Variants in TRIM54 observed in about 807,000 individuals in gnomAD.
TRIM54 encodes the protein tripartite motif-containing protein 54.
Under a neutral mutation model 42.0 loss-of-function variants are expected in TRIM54, and 40 were observed. The observed-to-expected ratio is 0.95, with a 90% CI of 0.74 to 1.24. TRIM54 has a LOEUF of 1.24. Among genes scored for constraint, TRIM54 ranks in the 50% most tolerant of loss-of-function variants. The pLI, the probability that TRIM54 is intolerant of heterozygous loss-of-function variation, is 0.00. For synonymous variants in TRIM54, 199 were observed against 194.9 expected (o/e 1.02, Z -0.17); for missense variants, 485 against 480.3 (o/e 1.01, Z -0.09).
intron 1 of TRIM54, among the ~76,000 whole-genome samples, chr2:27,283,678 G>A (rs559266092): frequency 6.6e-6 from 1 of 151,098 alleles, no homozygotes; most frequent in Admixed American, 6.6e-5. Context: ...GATTATAAGT[G>A]GGCTTTTTTT....
chr2:27,305,428 T>C (rs1475327165), intron 4 of TRIM54, 156 bp from the exon 5 acceptor site: 8 of 627,824 alleles, frequency 1.3e-5, no homozygotes, highest in Non-Finnish European at 2.3e-5. Context: ...GTTTTTATTA[T>C]GGAAAAGATC....
chr2:27,297,921 C>T (rs1388150222), intron 1 of TRIM54, among the ~76,000 whole-genome samples: 10 of 130,190 alleles, frequency 7.7e-5, no homozygotes, highest in Admixed American at 8.8e-5. Context: ...GTCGAGGCTG[C>T]GGTGAGCTGT....
At chr2:27,298,817 A>G in intron 2 of TRIM54, 78 bp downstream of exon 2, 1 of 1,478,712 alleles carries the variant, frequency 6.8e-7, no homozygotes, top group Non-Finnish European at 9.3e-7. Flanking sequence ...GCCAAAAGGG[A>G]GAGATTGAAA....
intron 3 of TRIM54, among the ~76,000 whole-genome samples, chr2:27,304,223 TATAG>T (rs34719198): frequency 0.04 from 5,599 of 139,202 alleles, 359 homozygotes; most frequent in African/African-American, 0.14. Context: ...AATATATATA[TATAG>T]ATAGATAGAT....
At chr2:27,286,608 A>G (rs1328263026) in intron 1 of TRIM54, among the ~76,000 whole-genome samples, 1 of 152,092 alleles carries the variant, frequency 6.6e-6, no homozygotes, top group Non-Finnish European at 1.5e-5. Context: ...ACCTGCCTCC[A>G]CTTCACTGTG....
chr2:27,289,315 C>T (rs1174489114), intron 1 of TRIM54, among the ~76,000 whole-genome samples: 1 of 152,106 alleles, frequency 6.6e-6, no homozygotes, highest in Admixed American at 6.5e-5. Flanking sequence ...TGATATTGCT[C>T]TCAAGGGGAA....
intron 3 of TRIM54, among the ~76,000 whole-genome samples, chr2:27,302,877 C>A (rs1679073316): frequency 6.6e-6 from 1 of 152,150 alleles, no homozygotes; most frequent in African/African-American, 2.4e-5. Context: ...TGTTACTGGA[C>A]CTTTGTGGCC....
At chr2:27,293,015 A>T (rs1051968006) in intron 1 of TRIM54, among the ~76,000 whole-genome samples, 6 of 151,744 alleles carry the variant, frequency 4.0e-5, no homozygotes, top group African/African-American at 1.2e-4. Context: ...TTTCTTCTCC[A>T]GTTTTGATCA....
intron 1 of TRIM54, among the ~76,000 whole-genome samples, chr2:27,294,005 GA>G: frequency 6.6e-6 from 1 of 152,208 alleles, no homozygotes; most frequent in East Asian, 1.9e-4. Flanking sequence ...CCCGACGACA[GA>G]GTGAGACTCT....
In TRIM54 at chr2:27,306,879, G is replaced by C. The variant is rs1307993304; in HGVS notation, c.*2-8G>C. The C allele has an allele frequency of 7.1e-6, 3 of 423,690 alleles. No homozygotes were observed. Among genetic ancestry groups the C allele is most frequent in the East Asian group, 4.5e-5 (1 of 22,154 alleles). The allele number at this position is 423,690 out of a possible 1,614,324, so 26.2% of individuals were successfully genotyped here. On this transcript the variant is annotated splice_polypyrimidine_tract_variant and splice_region_variant and intron_variant, in intron 8 of 8. Coordinates refer to ENST00000380075, the MANE Select transcript of TRIM54 (RefSeq NM_187841.3). This position sits in a 1 kb window ranked among gnomAD's most constrained non-coding sequence, Gnocchi z 6.1. ...ACCCGCCCACCGAGCCTTCTTTCCC[G>C]GGCACAGGCCTGCGCCGACCCGACC...
intron 2 of TRIM54, 100 bp from the exon 3 acceptor site, chr2:27,299,145 G>A: frequency 7.3e-7 from 1 of 1,372,270 alleles, no homozygotes; most frequent in South Asian, 1.3e-5. Flanking sequence ...ACTAGCTGCA[G>A]GGGCGGAGAA....
At chr2:27,293,474 G>T (rs1678776242) in intron 1 of TRIM54, among the ~76,000 whole-genome samples, 1 of 152,144 alleles carries the variant, frequency 6.6e-6, no homozygotes, top group Non-Finnish European at 1.5e-5. Context: ...TCCATGGGAG[G>T]AGGTCTCCCC....
rs868213458 is a variant in TRIM54, at chr2:27,305,654, G to A, written c.680G>A (p.Arg227His). Residue 227 changes from arginine (R) to histidine (H), a missense_variant, in exon 5 of 9, where the codon CGC (arginine) becomes CAC (histidine). Physicochemically the swap from Arg to His is conservative, Grantham distance 29. Coordinates refer to ENST00000380075, the MANE Select transcript of TRIM54 (RefSeq NM_187841.3). ...FESLCAVLEE[R>H]KGELLQALAR... ...AGCCTGTGCGCAGTGCTGGAGGAGC[G>A]CAAGGGTGAGCTGCTGCAGGCGCTG... is the stretch of plus-strand genomic sequence containing the variant. 22 of 1,613,482 alleles carry A rather than the reference G, an allele frequency of 1.4e-5. 1 individual carries two copies. The highest frequency in any genetic ancestry group is 1.6e-4 in the Middle Eastern group (1 of 6,084).
At chr2:27,283,984 T>C (rs1420175460) in intron 1 of TRIM54, among the ~76,000 whole-genome samples, 1 of 151,962 alleles carries the variant, frequency 6.6e-6, no homozygotes, top group Admixed American at 6.6e-5. Context: ...AATACAAAAA[T>C]TAGCCGGGCG....
In TRIM54 at chr2:27,282,705, C is replaced by T. The variant is rs775639810; in HGVS notation, c.-27C>T. The T allele has an allele frequency of 6.3e-7, 1 of 1,596,106 alleles. No individual in the cohort carries two copies. Among genetic ancestry groups the T allele is most frequent in the Non-Finnish European group, 8.5e-7 (1 of 1,172,052 alleles). On this transcript the variant is annotated 5_prime_UTR_variant, in exon 1 of 9. Transcript: ENST00000380075. ...CAGTGAGTGAAGGCCAGGAGCAGGGCCCAGGCCAGGCACGACCACCGAGGG... is the reference window on the plus strand; with the variant it reads ...CAGTGAGTGAAGGCCAGGAGCAGGGTCCAGGCCAGGCACGACCACCGAGGG...
rs932170951 is a variant in TRIM54 at position 27,307,061 on chromosome 2, G to A, written c.*176G>A. The A allele has an allele frequency of 2.7e-5, 6 of 226,266 alleles. No homozygotes were observed. The highest frequency in any genetic ancestry group is 4.7e-5 in the African/African-American group (2 of 42,656). 14.0% of individuals were successfully genotyped at this position (226,266 alleles called of 1,614,324 possible). Reference sequence around the variant, plus strand: ...CCAACCCCGCAGCCTGGGCTTCGAAGGCGACCCGCCCACCATCCTGCCCTT... The same window carrying A: ...CCAACCCCGCAGCCTGGGCTTCGAAAGCGACCCGCCCACCATCCTGCCCTT... On this transcript the variant is annotated 3_prime_UTR_variant, in exon 9 of 9. Coordinates refer to ENST00000380075, the MANE Select transcript of TRIM54 (RefSeq NM_187841.3). This position sits in a 1 kb window ranked among gnomAD's most constrained non-coding sequence, Gnocchi z 6.9.
rs372983587 is a variant in TRIM54 at position 27,306,741 on chromosome 2, C to T, written c.*2-146C>T. On this transcript the variant is annotated intron_variant, in intron 8 of 8. Coordinates refer to ENST00000380075, the MANE Select transcript of TRIM54 (RefSeq NM_187841.3). This position sits in a 1 kb window ranked among gnomAD's most constrained non-coding sequence, Gnocchi z 6.1. The stretch of plus-strand genomic sequence containing the variant: ...CGGAAAAGTACACTTTCCTCCTCAC[C>T]CGCTGTTCCTCTGGGGTGCTGGGAG... 8.2e-5 allele frequency: 50 copies of T among 612,424 alleles called. 1 individual carries two copies. The Middle Eastern group carries it at 1.3e-3, about 16-fold the overall frequency. 37.9% of individuals were successfully genotyped at this position (612,424 alleles called of 1,614,324 possible).
At chr2:27,286,834 C>G (rs578008807) in intron 1 of TRIM54, among the ~76,000 whole-genome samples, 1 of 152,262 alleles carries the variant, frequency 6.6e-6, no homozygotes, top group East Asian at 1.9e-4. Context: ...TTTCTTTATC[C>G]TTTAGTTGTT....
chr2:27,298,699 G>A lies in TRIM54; in HGVS notation c.301G>A (p.Val101Met), dbSNP rs1169104421. ...GVYGLQRNLL[V>M]ENIIDIYKQE... Reference sequence around the variant, plus strand: ...CTACGGCCTGCAGCGAAACCTGCTAGTGGAGAACATTATCGACATTTACAA... The same window carrying A: ...CTACGGCCTGCAGCGAAACCTGCTAATGGAGAACATTATCGACATTTACAA... Residue 101 changes from valine to methionine, a missense_variant, in exon 2 of 9, where the codon GTG (valine) becomes ATG (methionine). Coordinates refer to ENST00000380075, the MANE Select transcript of TRIM54 (RefSeq NM_187841.3). The A allele has an allele frequency of 7.4e-6, 12 of 1,614,214 alleles. No individual in the cohort carries two copies. The highest frequency in any genetic ancestry group is 1.0e-5 in the Non-Finnish European group (12 of 1,180,030).
Sources: gnomAD v4.1 joint callset for allele counts (sites outside exome capture counted in the v4.1 genomes callset) on GRCh38, gnomAD v4.1.1 for gene constraint, Gnocchi (gnomAD v3.1) non-coding constraint, MANE v1.5 for transcripts, NCBI Gene and HGNC (gene_info 2026-07-23, HGNC 2026-07-21) for gene names.